The following SLC20A2 variants were observed in gnomAD, a reference collection of about 807,000 sequenced individuals.
The protein encoded by SLC20A2 is sodium-dependent phosphate transporter 2.
Under a neutral mutation model 61.0 loss-of-function variants are expected in SLC20A2, and 30 were observed. The ratio of observed to expected loss-of-function variants is 0.49; its 90% CI spans 0.37 to 0.67. The LOEUF (loss-of-function observed/expected upper bound fraction) is 0.67, where lower values mean the gene tolerates loss of function less well. Among genes scored for constraint, SLC20A2 ranks in the 30% least tolerant of loss-of-function variants. The pLI is 0.00. For missense variants in SLC20A2, 626 were observed against 866.4 expected, an observed-to-expected ratio of 0.72 and a Z score of 3.48; for synonymous variants, 351 against 353.3, an observed-to-expected ratio of 0.99 and a Z score of 0.07.
At chr8:42,460,640 T>C (rs1448772270) in intron 4 of SLC20A2, among the ~76,000 whole-genome samples, 1 of 152,268 alleles carries the variant, frequency 6.6e-6, no homozygotes, top group Non-Finnish European at 1.5e-5. Context: ...TCGACATTTA[T>C]TAACTACTTT....
intron 3 of SLC20A2, among the ~76,000 whole-genome samples, chr8:42,465,557 A>G (rs1182975405): frequency 6.6e-6 from 1 of 151,634 alleles, no homozygotes; most frequent in Non-Finnish European, 1.5e-5. Context: ...CAGGCGTGGT[A>G]GGAGGAGCCT....
Position 42,496,641 on chromosome 8 carries a change from T to C in SLC20A2, c.-265+4390A>G, listed in dbSNP as rs118099712. Among the ~76,000 whole-genome samples the C allele has an allele frequency of 7.7e-3, 1,167 of 152,370 alleles. 7 individuals are homozygous for C. The highest frequency in any genetic ancestry group is 0.011 in the Non-Finnish European group (755 of 68,030). On this transcript the variant is annotated intron_variant, in intron 1 of 10. Transcript: ENST00000520262. ...CATCCTATGTGTGCCCCTGGGCTAT[T>C]TGTTGTAGATACAAAAATGTTGTGA... is the stretch of plus-strand genomic sequence containing the variant.
intron 6 of SLC20A2, among the ~76,000 whole-genome samples, chr8:42,440,391 T>G (rs1208582491): frequency 6.6e-6 from 1 of 152,166 alleles, no homozygotes; most frequent in African/African-American, 2.4e-5. Context: ...TAATAAAATA[T>G]GCGATTTTTG....
At chr8:42,446,876 A>G (rs1354103907) in intron 5 of SLC20A2, among the ~76,000 whole-genome samples, 2 of 152,156 alleles carry the variant, frequency 1.3e-5, no homozygotes, top group Non-Finnish European at 2.9e-5. Flanking sequence ...AAAATATAAA[A>G]AAGAAAAAGA....
Position 42,485,376 on chromosome 8 carries a change from T to A in SLC20A2, c.-264-12722A>T, listed in dbSNP as rs541205386. 4.9e-4 allele frequency among the ~76,000 whole-genome samples: 74 copies of A among 152,182 alleles called. 1 individual carries two copies. The highest frequency in any genetic ancestry group is 1.3e-3 in the African/African-American group (53 of 41,530). On this transcript the variant is annotated intron_variant, in intron 1 of 10. Coordinates refer to ENST00000520262, the MANE Select transcript of SLC20A2 (RefSeq NM_001257180.2). ...TTGGGGCTAGGCCGAACGCGGTGGC[T>A]CACGCCTGTAATTCAAGCACTTTGG...
At position 42,509,039 on chromosome 8, in the gene SLC20A2, C is replaced by T. The variant is rs553657903; in HGVS notation, c.-265+32782G>A. ...AAAATGGGAATAATAATTATACATG[C>T]CTCACGGGGTTATTATGAAGACTAA... On this transcript the variant is annotated intron_variant, in intron 1 of 10. Coordinates refer to the SLC20A2 transcript ENST00000342228. Among the ~76,000 whole-genome samples the T allele has an allele frequency of 1.6e-4, 24 of 152,220 alleles. No individual in the cohort carries two copies. The South Asian group carries it at 4.1e-3, about 26-fold the overall frequency.
intron 1 of SLC20A2, among the ~76,000 whole-genome samples, chr8:42,518,927 G>A (rs1419077416): frequency 6.6e-6 from 1 of 152,164 alleles, no homozygotes; most frequent in Non-Finnish European, 1.5e-5. Context: ...GTTTAAATGT[G>A]TCCACCATTC....
intron 7 of SLC20A2, 33 bp downstream of exon 7, chr8:42,439,417 C>T (rs778430389): frequency 6.2e-7 from 1 of 1,607,688 alleles, no homozygotes; most frequent in South Asian, 1.1e-5. Context: ...CTCTGTGCTG[C>T]CACAGAACCC....
At chr8:42,452,284 C>G (rs1344440357) in intron 5 of SLC20A2, among the ~76,000 whole-genome samples, 4 of 114,934 alleles carry the variant, frequency 3.5e-5, no homozygotes, top group Non-Finnish European at 6.9e-5. Flanking sequence ...AGAGATGGAA[C>G]AGGAAGAGAT....
At chr8:42,463,578 C>T (rs528275380) in intron 3 of SLC20A2, among the ~76,000 whole-genome samples, 1 of 152,120 alleles carries the variant, frequency 6.6e-6, no homozygotes, top group South Asian at 2.1e-4. Flanking sequence ...AAGTAGTTCC[C>T]GCCTCTGGGT....
At chr8:42,507,887 C>A (rs745685767) in intron 1 of SLC20A2, among the ~76,000 whole-genome samples, 1 of 152,172 alleles carries the variant, frequency 6.6e-6, no homozygotes, top group Non-Finnish European at 1.5e-5. Flanking sequence ...TGGCCCGGCG[C>A]GGTGGCTCAT....
At chr8:42,436,528 G>A (rs1001967195) in intron 8 of SLC20A2, among the ~76,000 whole-genome samples, 1 of 152,126 alleles carries the variant, frequency 6.6e-6, no homozygotes, top group African/African-American at 2.4e-5. Flanking sequence ...GCCCTGTGTG[G>A]CCCCTGCTCA....
chr8:42,453,167 G>A (rs1448176492), intron 5 of SLC20A2, among the ~76,000 whole-genome samples: 1 of 152,174 alleles, frequency 6.6e-6, no homozygotes, highest in Non-Finnish European at 1.5e-5. Flanking sequence ...AAAGGGGCAT[G>A]CCATGAACTT....
At chr8:42,512,486 G>A (rs1811087211) in intron 1 of SLC20A2, among the ~76,000 whole-genome samples, 1 of 151,906 alleles carries the variant, frequency 6.6e-6, no homozygotes, top group African/African-American at 2.4e-5. Flanking sequence ...GAGTAGCTGG[G>A]ACTACAGGCG....
chr8:42,425,199 T>C (rs1468513386), intron 10 of SLC20A2, among the ~76,000 whole-genome samples: 1 of 152,028 alleles, frequency 6.6e-6, no homozygotes, highest in Non-Finnish European at 1.5e-5. Context: ...CTCCCTACTT[T>C]CTATTAGATG....
At chr8:42,520,117 A>C (rs1811556767) in intron 1 of SLC20A2, among the ~76,000 whole-genome samples, 1 of 149,268 alleles carries the variant, frequency 6.7e-6, no homozygotes, top group African/African-American at 2.5e-5. Context: ...GGGTTCAAGC[A>C]ATTCTCCTGC....
chr8:42,484,950 G>T, intron 1 of SLC20A2: 1 of 383,364 alleles, frequency 2.6e-6, no homozygotes, highest in South Asian at 2.1e-5. Context: ...GAGGTGAACA[G>T]GGCACACGAC....
chr8:42,452,044 GGGGA>G (rs1805738341), intron 5 of SLC20A2, among the ~76,000 whole-genome samples: 1 of 117,776 alleles, frequency 8.5e-6, no homozygotes, highest in Admixed American at 8.0e-5. Context: ...AGGAAGAGAG[GGGGA>G]GGAAGAGATG....
intron 1 of SLC20A2, among the ~76,000 whole-genome samples, chr8:42,493,229 T>C (rs185555991): frequency 1.3e-5 from 2 of 152,370 alleles, no homozygotes; most frequent in Non-Finnish European, 2.9e-5. Flanking sequence ...TTAAATCAAG[T>C]GCCACAGGCA....
Sources: allele counts gnomAD v4.1 joint callset (sites outside exome capture counted in the v4.1 genomes callset), GRCh38; gene constraint gnomAD v4.1.1; transcripts MANE v1.5; gene names NCBI Gene and HGNC (gene_info 2026-07-23, HGNC 2026-07-21).